The following ARHGAP28 variants were observed in gnomAD, a reference collection of about 807,000 sequenced individuals.
The protein encoded by ARHGAP28 is rho GTPase-activating protein 28.
A neutral mutation model predicts 90.7 loss-of-function variants in ARHGAP28; 56 were observed. The observed-to-expected ratio is 0.62, with a 90% CI of 0.50 to 0.77. The LOEUF is 0.77. Among genes scored for constraint, ARHGAP28 ranks in the 30% least tolerant of loss-of-function variants. The pLI, the probability that ARHGAP28 is intolerant of heterozygous loss-of-function variation, is 0.00. For missense variants in ARHGAP28, 869 were observed against 900.9 expected, an observed-to-expected ratio of 0.96 and a Z score of 0.45; for synonymous variants, 308 against 323.3, an observed-to-expected ratio of 0.95 and a Z score of 0.51.
At chr18:6,892,394 C>T (rs1385366498) in intron 14 of ARHGAP28, among the ~76,000 whole-genome samples, 4 of 152,008 alleles carry the variant, frequency 2.6e-5, no homozygotes, top group East Asian at 1.9e-4. Flanking sequence ...TCAGGTGATC[C>T]GCCCGCCTCT....
chr18:6,822,107 T>G (rs1438474514), intron 1 of ARHGAP28, among the ~76,000 whole-genome samples: 1 of 152,140 alleles, frequency 6.6e-6, no homozygotes, highest in Non-Finnish European at 1.5e-5. Context: ...TAGAACAATA[T>G]TGGTATGGTA....
chr18:6,854,742 GCTGCAGCTGCCCAC>G (rs34306680), intron 4 of ARHGAP28, among the ~76,000 whole-genome samples: 75,302 of 150,754 alleles, frequency 0.5, 20,167 homozygotes, highest in Non-Finnish European at 0.61. Context: ...CCCAGGCACA[GCTGCAGCTGCCCAC>G]CTGCAGCTGC....
intron 1 of ARHGAP28, among the ~76,000 whole-genome samples, chr18:6,781,840 A>G (rs1028522668): frequency 6.6e-6 from 1 of 152,150 alleles, no homozygotes; most frequent in African/African-American, 2.4e-5. Flanking sequence ...ATCTCTTTTC[A>G]AAACTATTTT....
At chr18:6,732,521 C>A (rs2055891046) in intron 1 of ARHGAP28, among the ~76,000 whole-genome samples, 3 of 152,142 alleles carry the variant, frequency 2.0e-5, no homozygotes, top group Admixed American at 2.0e-4. Context: ...TTGAAGGACC[C>A]AGCAGCTCAG....
At chr18:6,811,552 A>T (rs1334630026) in intron 1 of ARHGAP28, among the ~76,000 whole-genome samples, 2 of 152,200 alleles carry the variant, frequency 1.3e-5, no homozygotes, top group Non-Finnish European at 2.9e-5. Context: ...TAAGTACAGT[A>T]GACCTTAACT....
At chr18:6,881,235 T>C (rs1469748224) in intron 10 of ARHGAP28, among the ~76,000 whole-genome samples, 1 of 152,176 alleles carries the variant, frequency 6.6e-6, no homozygotes, top group Non-Finnish European at 1.5e-5. Context: ...CTGTGCGTGC[T>C]CAAGGCCAGA....
intron 16 of ARHGAP28, among the ~76,000 whole-genome samples, chr18:6,907,853 ACG>A (rs1157112261): frequency 6.6e-6 from 1 of 152,174 alleles, no homozygotes; most frequent in Non-Finnish European, 1.5e-5. Context: ...TCTTAAAACT[ACG>A]TGTGAATCTA....
chr18:6,738,775 G>A (rs186534493), intron 1 of ARHGAP28, among the ~76,000 whole-genome samples: 22 of 152,314 alleles, frequency 1.4e-4, no homozygotes, highest in Admixed American at 4.6e-4. Context: ...GCAGAAGAGA[G>A]AGAGAGAGAA....
At chr18:6,892,042 G>T (rs2057270250) in intron 14 of ARHGAP28, among the ~76,000 whole-genome samples, 1 of 152,146 alleles carries the variant, frequency 6.6e-6, no homozygotes, top group South Asian at 2.1e-4. Flanking sequence ...TCTGACTCAT[G>T]ATAGGCAAAG....
intron 1 of ARHGAP28, among the ~76,000 whole-genome samples, chr18:6,823,169 G>A (rs1003230054): frequency 6.6e-6 from 1 of 152,084 alleles, no homozygotes; most frequent in African/African-American, 2.4e-5. Context: ...AAGATTCTTT[G>A]AAAGGAGTTG....
At chr18:6,875,651 A>G (rs1480012771) in intron 9 of ARHGAP28, among the ~76,000 whole-genome samples, 1 of 152,208 alleles carries the variant, frequency 6.6e-6, no homozygotes, top group Non-Finnish European at 1.5e-5. Context: ...TTTAACACCT[A>G]TCACCATCCT....
At chr18:6,909,962 T>C (rs1360988733) in intron 17 of ARHGAP28, among the ~76,000 whole-genome samples, 1 of 152,150 alleles carries the variant, frequency 6.6e-6, no homozygotes, top group African/African-American at 2.4e-5. Context: ...AATTATTTCT[T>C]CACCCCCCTT....
At chr18:6,761,076 T>C (rs937949240) in intron 1 of ARHGAP28, among the ~76,000 whole-genome samples, 2 of 151,996 alleles carry the variant, frequency 1.3e-5, no homozygotes, top group African/African-American at 4.8e-5. Flanking sequence ...ATATATATTA[T>C]ACGATTCCCT....
At chr18:6,835,326 C>T (rs897826588) in intron 2 of ARHGAP28, among the ~76,000 whole-genome samples, 1 of 152,118 alleles carries the variant, frequency 6.6e-6, no homozygotes, top group Non-Finnish European at 1.5e-5. Flanking sequence ...TTATCTATAG[C>T]TTAAGGAAGA....
At chr18:6,758,247 G>T (rs1297393822) in intron 1 of ARHGAP28, among the ~76,000 whole-genome samples, 4 of 151,980 alleles carry the variant, frequency 2.6e-5, no homozygotes, top group Non-Finnish European at 5.9e-5. Flanking sequence ...AGGGGCCGGG[G>T]AACTTGTTAA....
chr18:6,901,795 G>A (rs949975757), intron 16 of ARHGAP28, among the ~76,000 whole-genome samples: 6 of 152,100 alleles, frequency 3.9e-5, no homozygotes, highest in African/African-American at 7.2e-5. Context: ...CACAAATTGG[G>A]TAGCTTAAAA....
At chr18:6,894,068 C>T (rs997464147) in intron 14 of ARHGAP28, among the ~76,000 whole-genome samples, 1 of 151,916 alleles carries the variant, frequency 6.6e-6, no homozygotes, top group Non-Finnish European at 1.5e-5. Context: ...GGGGTTTCAC[C>T]GTGTTAGCCA....
intron 4 of ARHGAP28, among the ~76,000 whole-genome samples, chr18:6,854,053 AACAGCTCACC>A (rs2056932306): frequency 6.6e-6 from 1 of 151,762 alleles, no homozygotes; most frequent in East Asian, 1.9e-4. Flanking sequence ...GCAACTAAAA[AACAGCTCACC>A]ACTTAGTTAC....
chr18:6,838,333 A>G (rs1377473236), intron 3 of ARHGAP28, among the ~76,000 whole-genome samples: 1 of 152,260 alleles, frequency 6.6e-6, no homozygotes, highest in African/African-American at 2.4e-5. Context: ...GGCATACATT[A>G]AAACTTCAGG....
Sources: allele counts gnomAD v4.1 joint callset (sites outside exome capture counted in the v4.1 genomes callset), GRCh38; gene constraint gnomAD v4.1.1; transcripts MANE v1.5; gene names NCBI Gene and HGNC (gene_info 2026-07-23, HGNC 2026-07-21).